The following FCHO2 variants were observed in gnomAD, a reference collection of about 807,000 sequenced individuals.
FCHO2 encodes FCH and mu domain containing endocytic adaptor 2.
FCHO2 carries 43 observed loss-of-function variants against 114.1 expected under a neutral mutation model. That is an observed-to-expected ratio of 0.38 (90% CI 0.30 to 0.49). The LOEUF (loss-of-function observed/expected upper bound fraction) is 0.49. Ranked by LOEUF, FCHO2 falls within the 20% of genes least tolerant of loss-of-function variation. FCHO2 has a pLI of 0.97. For missense variants in FCHO2, 807 were observed against 950.4 expected (o/e 0.85, Z 1.98); for synonymous variants, 293 against 315.2 (o/e 0.93, Z 0.75).
chr5:72,974,006 A>G (rs1752717616), intron 2 of FCHO2, among the ~76,000 whole-genome samples: 1 of 151,084 alleles, frequency 6.6e-6, no homozygotes, highest in Non-Finnish European at 1.5e-5. Flanking sequence ...TATGTAGTTG[A>G]GCGGTTTTGA....
intron 8 of FCHO2, among the ~76,000 whole-genome samples, chr5:73,029,947 C>T (rs1204489449): frequency 1.3e-5 from 2 of 152,078 alleles, no homozygotes; most frequent in Non-Finnish European, 2.9e-5. Context: ...ACATCCAAAC[C>T]GTATCAGGTA....
At chr5:73,030,734 C>G (rs1216072949) in intron 8 of FCHO2, among the ~76,000 whole-genome samples, 2 of 152,072 alleles carry the variant, frequency 1.3e-5, no homozygotes, top group East Asian at 1.9e-4. Context: ...GGAGTGGAGC[C>G]CAGTAGTCTG....
intron 10 of FCHO2, among the ~76,000 whole-genome samples, chr5:73,040,857 CTT>C (rs980843926): frequency 6.6e-6 from 1 of 151,860 alleles, no homozygotes; most frequent in Non-Finnish European, 1.5e-5. Context: ...TTAATACTGA[CTT>C]TTTTTTAAAG....
rs36075860 is a variant in FCHO2, at chr5:72,982,826, A to AT, written c.126-6581dup. ...GGGTGTAAGGTCTGTGTCTGGATTC[A>AT]TTTTTTTTTTTTTTTTTTTTGCATA... On this transcript the variant is annotated intron_variant, in intron 2 of 25. Coordinates refer to ENST00000430046, the MANE Select transcript of FCHO2 (RefSeq NM_138782.3). Among the ~76,000 whole-genome samples, 177 of 108,134 alleles carry AT rather than the reference A, an allele frequency of 1.6e-3. 1 individual carries two copies. The highest frequency in any genetic ancestry group is 3.8e-3 in the African/African-American group (115 of 30,240). 70.9% of individuals were successfully genotyped at this position (108,134 alleles called of 152,430 possible). A position where few individuals can be genotyped will look rare whatever the true frequency, so the allele number is the denominator to read the frequency against.
At chr5:72,959,020 A>G (rs1412267216) in intron 1 of FCHO2, among the ~76,000 whole-genome samples, 2 of 152,230 alleles carry the variant, frequency 1.3e-5, no homozygotes, top group East Asian at 1.9e-4. Flanking sequence ...ATAAACTTCA[A>G]TATTTGAATT....
At chr5:73,027,018 G>GTTTTTTTTTTTTTTTTTT (rs1369730233) in intron 8 of FCHO2, among the ~76,000 whole-genome samples, 1 of 107,126 alleles carries the variant, frequency 9.3e-6, no homozygotes, top group African/African-American at 3.4e-5. Context: ...TTGTTTGTTT[G>GTTTTTTTTTTTTTTTTTT]TTTTTTTTTT....
At chr5:73,068,561 G>T in intron 18 of FCHO2, 89 bp from the exon 19 acceptor site, 1 of 1,419,254 alleles carries the variant, frequency 7.0e-7, no homozygotes, top group Non-Finnish European at 9.5e-7. Context: ...ATTTGGTTTG[G>T]TATGTTAAAT....
intron 2 of FCHO2, among the ~76,000 whole-genome samples, chr5:72,980,207 A>G (rs915802079): frequency 5.3e-5 from 8 of 152,158 alleles, no homozygotes; most frequent in African/African-American, 1.7e-4. Context: ...TTATGTACCC[A>G]GTAGTCATTC....
At chr5:73,085,960 T>C (rs113734594) in intron 24 of FCHO2, among the ~76,000 whole-genome samples, 10 of 150,958 alleles carry the variant, frequency 6.6e-5, no homozygotes, top group African/African-American at 2.4e-4. Flanking sequence ...CTGTCTCTAC[T>C]AAAAATACAG....
Position 73,037,232 on chromosome 5 carries a change from T to A in FCHO2, c.914+17T>A. The A allele has an allele frequency of 6.5e-7, 1 of 1,545,080 alleles. No homozygotes were observed. The highest frequency in any genetic ancestry group is 2.3e-5 in the East Asian group (1 of 43,744). On this transcript the variant is annotated intron_variant, in intron 10 of 25. Coordinates refer to ENST00000430046, the MANE Select transcript of FCHO2 (RefSeq NM_138782.3). ...AGAATCTGTGTAAGTATTTTAAATA[T>A]CGTCAAAATCCTTTTTGTTTTTATA... is the stretch of plus-strand genomic sequence containing the variant.
intron 18 of FCHO2, among the ~76,000 whole-genome samples, chr5:73,064,537 T>G (rs1414353693): frequency 1.3e-5 from 2 of 152,106 alleles, no homozygotes; most frequent in African/African-American, 4.8e-5. Flanking sequence ...ATTGCCAGTT[T>G]AATTACCAGA....
chr5:73,056,025 C>A, intron 15 of FCHO2, 40 bp from the exon 16 acceptor site: 1 of 1,281,560 alleles, frequency 7.8e-7, no homozygotes, highest in Non-Finnish European at 1.1e-6. Flanking sequence ...TATTTTATTT[C>A]TCAGATTATG....
chr5:73,046,056 G>C (rs768172885), intron 11 of FCHO2, among the ~76,000 whole-genome samples: 5 of 152,188 alleles, frequency 3.3e-5, no homozygotes, highest in Non-Finnish European at 5.9e-5. Context: ...GGTTGTTTAT[G>C]GTGGTTTTTT....
chr5:73,085,587 C>CA (rs1743271836), intron 24 of FCHO2, among the ~76,000 whole-genome samples: 1 of 149,814 alleles, frequency 6.7e-6, no homozygotes, highest in Non-Finnish European at 1.5e-5. Flanking sequence ...CCAGCCTAGA[C>CA]AATGTGGCAA....
intron 18 of FCHO2, 65 bp from the exon 19 acceptor site, chr5:73,068,584 TA>T: frequency 1.3e-6 from 2 of 1,548,396 alleles, no homozygotes; most frequent in East Asian, 4.6e-5. Flanking sequence ...ACCTCATACT[TA>T]AAAATCTTCT....
chr5:73,039,670 G>T (rs1041542547), intron 10 of FCHO2, among the ~76,000 whole-genome samples: 5 of 147,042 alleles, frequency 3.4e-5, no homozygotes, highest in African/African-American at 1.2e-4. Context: ...GCTCATGCCT[G>T]TAAACCCAGC....
intron 11 of FCHO2, among the ~76,000 whole-genome samples, chr5:73,045,670 T>C (rs1391402838): frequency 6.6e-6 from 1 of 152,240 alleles, no homozygotes; most frequent in Non-Finnish European, 1.5e-5. Flanking sequence ...TCCCCTTTGT[T>C]ATTATTCATG....
chr5:73,015,580 G>C, intron 6 of FCHO2, 46 bp from the exon 7 acceptor site: 2 of 1,109,392 alleles, frequency 1.8e-6, no homozygotes, highest in Non-Finnish European at 2.6e-6. Context: ...ATATATGTAT[G>C]TACCTGTATA....
At chr5:73,051,754 C>T (rs920383427) in intron 12 of FCHO2, among the ~76,000 whole-genome samples, 1 of 151,834 alleles carries the variant, frequency 6.6e-6, no homozygotes, top group African/African-American at 2.4e-5. Flanking sequence ...TTAGTAGAGA[C>T]AGGGTTTCAT....
Sources: gnomAD v4.1 joint callset for allele counts (sites outside exome capture counted in the v4.1 genomes callset) on GRCh38, gnomAD v4.1.1 for gene constraint, MANE v1.5 for transcripts, NCBI Gene and HGNC (gene_info 2026-07-23, HGNC 2026-07-21) for gene names.